The following HIVEP1 variants were observed in gnomAD, a reference collection of about 807,000 sequenced individuals.
HIVEP1 encodes zinc finger protein 40.
A neutral mutation model predicts 180.0 loss-of-function variants in HIVEP1; 36 were observed. That is an observed-to-expected ratio of 0.20 (90% CI 0.15 to 0.26). HIVEP1 has a LOEUF of 0.26. Ranked by LOEUF, HIVEP1 falls within the 10% of genes least tolerant of loss-of-function variation. The pLI, the probability that HIVEP1 is intolerant of heterozygous loss-of-function variation, is 1.00. For synonymous variants in HIVEP1, 1,239 were observed against 1,239.0 expected (o/e 1.00, Z 0.00); for missense variants, 3,143 against 3,268.7 (o/e 0.96, Z 0.94).
intron 7 of HIVEP1, among the ~76,000 whole-genome samples, chr6:12,140,703 C>T (rs964562115): frequency 7.9e-5 from 12 of 152,050 alleles, no homozygotes; most frequent in Admixed American, 2.6e-4. Context: ...AACTGTGGCA[C>T]GAGAACTACG....
chr6:12,124,594 C>T lies in HIVEP1; in HGVS notation c.4799C>T (p.Thr1600Ile), dbSNP rs1757933111. 8 of 1,614,026 alleles carry T rather than the reference C, an allele frequency of 5.0e-6. No homozygotes were observed. In the East Asian group the frequency reaches 1.8e-4, roughly 36 times the overall value. The change falls in exon 4 of 9, where the codon ACA becomes ATA. Residue 1600 changes from threonine (T) to isoleucine (I), a missense_variant. Physicochemically the swap from Thr to Ile is moderately conservative, Grantham distance 89 (BLOSUM62 -1). This residue lies in a region of HIVEP1 where 1,357 missense variants were observed against 1,260.5 expected (regional missense o/e 1.08). Coordinates refer to ENST00000379388, the MANE Select transcript of HIVEP1 (RefSeq NM_002114.4). ...VGTDHCVTSATLPTKLIDSMS... is the reference protein window; with the variant it reads ...VGTDHCVTSAILPTKLIDSMS... ...ACAGATCATTGTGTGACATCAGCAA[C>T]ATTACCAACCAAATTAATTGACAGC...
intron 1 of HIVEP1, among the ~76,000 whole-genome samples, chr6:12,013,044 G>C (rs1272115956): frequency 6.6e-6 from 1 of 151,714 alleles, no homozygotes; most frequent in Non-Finnish European, 1.5e-5. Context: ...GGCTCGCCTT[G>C]GGGTCGGGCT....
intron 2 of HIVEP1, among the ~76,000 whole-genome samples, chr6:12,053,060 C>T (rs1770638958): frequency 1.3e-5 from 2 of 152,162 alleles, no homozygotes; most frequent in South Asian, 4.1e-4. Flanking sequence ...TTACACTTCA[C>T]AGCTATAATT....
Position 12,120,032 on chromosome 6 carries a change from A to T in HIVEP1, c.237A>T (p.Thr79=). Residue 79 remains threonine (T), a synonymous_variant, in exon 4 of 9, where the codon ACA becomes ACT. Transcript: ENST00000379388. Reference sequence around the variant, plus strand: ...TTCAGGCAAAACATAAACAAAATACAGAAGAGTCATCTTTCGCCGTTCTTC... The same window carrying T: ...TTCAGGCAAAACATAAACAAAATACTGAAGAGTCATCTTTCGCCGTTCTTC... The part of the protein sequence containing the change: ...NPLQAKHKQN[T]EESSFAVLHS... 1 of 1,613,284 alleles carries T rather than the reference A, an allele frequency of 6.2e-7. No homozygotes were observed. The highest frequency in any genetic ancestry group is 1.1e-5 in the South Asian group (1 of 90,802).
At chr6:12,179,635 T>G in the HIVEP1 span, among the ~76,000 whole-genome samples, 1 of 152,228 alleles carries the variant, frequency 6.6e-6, no homozygotes, top group African/African-American at 2.4e-5. Flanking sequence ...AAGGTTGCTC[T>G]CCTGCTTTTA....
At chr6:12,088,665 C>T (rs1773260500) in intron 2 of HIVEP1, among the ~76,000 whole-genome samples, 1 of 152,092 alleles carries the variant, frequency 6.6e-6, no homozygotes. Context: ...TGTCCTCATA[C>T]TTCATAGATG....
chr6:12,112,184 G>C (rs1561951227), intron 3 of HIVEP1, among the ~76,000 whole-genome samples: 2 of 151,976 alleles, frequency 1.3e-5, no homozygotes, highest in East Asian at 1.9e-4. Context: ...ATGAAATTCT[G>C]GGTTGGACAA....
chr6:12,053,406 G>T (rs188150065), intron 2 of HIVEP1, among the ~76,000 whole-genome samples: 1 of 152,044 alleles, frequency 6.6e-6, no homozygotes, highest in Non-Finnish European at 1.5e-5. Flanking sequence ...ACAAATAAGA[G>T]AAGCAGTATA....
chr6:12,037,040 A>G (rs912467614), intron 2 of HIVEP1, among the ~76,000 whole-genome samples: 3 of 152,202 alleles, frequency 2.0e-5, no homozygotes, highest in Non-Finnish European at 4.4e-5. Context: ...AACCATGGAA[A>G]TAAAGTAGTG....
the HIVEP1 span, among the ~76,000 whole-genome samples, chr6:12,200,009 A>T: frequency 6.6e-6 from 1 of 152,154 alleles, no homozygotes; most frequent in African/African-American, 2.4e-5. Flanking sequence ...TAGGCTTGAG[A>T]TGGGGACTAA....
intron 2 of HIVEP1, among the ~76,000 whole-genome samples, chr6:12,060,922 G>A (rs932891032): frequency 6.6e-6 from 1 of 152,142 alleles, no homozygotes; most frequent in Non-Finnish European, 1.5e-5. Flanking sequence ...CCTTTCATTT[G>A]CGTAAGAGAT....
chr6:12,123,283 A>G lies in HIVEP1; in HGVS notation c.3488A>G (p.Gln1163Arg). The stretch of plus-strand genomic sequence containing the variant: ...GAAAGAGCCTCCCCAGTTTCTTTCC[A>G]GGAGCTGAATAGAACGGGGAAGTCC... ...PFERASPVSF[Q>R]ELNRTGKSGS... The change falls in exon 4 of 9, where the codon CAG (glutamine) becomes CGG (arginine). Residue 1163 changes from glutamine (Q) to arginine (R), a missense_variant. Transcript: ENST00000379388. The G allele has an allele frequency of 6.2e-7, 1 of 1,614,216 alleles. No individual in the cohort carries two copies. Among genetic ancestry groups the G allele is most frequent in the Non-Finnish European group, 8.5e-7 (1 of 1,180,034 alleles).
At chr6:12,099,183 G>GGTT (rs373744044) in intron 3 of HIVEP1, among the ~76,000 whole-genome samples, 9 of 138,458 alleles carry the variant, frequency 6.5e-5, no homozygotes, top group African/African-American at 2.2e-4. Flanking sequence ...ATGTCACTGA[G>GGTT]TTTTTTTTTT....
chr6:12,103,555 G>T (rs1475281518), intron 3 of HIVEP1, among the ~76,000 whole-genome samples: 1 of 151,436 alleles, frequency 6.6e-6, no homozygotes, highest in African/African-American at 2.4e-5. Flanking sequence ...CACACATGGA[G>T]ACTTACTATT....
chr6:12,023,327 G>C (rs1010813782), intron 2 of HIVEP1, among the ~76,000 whole-genome samples: 7 of 152,264 alleles, frequency 4.6e-5, no homozygotes, highest in Non-Finnish European at 1.0e-4. Context: ...AAGTGGAGTA[G>C]GTTTAATTTT....
chr6:12,018,449 C>G (rs935935859), intron 2 of HIVEP1, among the ~76,000 whole-genome samples: 1 of 152,238 alleles, frequency 6.6e-6, no homozygotes, highest in African/African-American at 2.4e-5. Context: ...TCATTACTAC[C>G]TTCATGTACT....
At chr6:12,009,120 T>TGGCGGC (rs950139776), upstream of HIVEP1, among the ~76,000 whole-genome samples, 161 of 146,058 alleles carry the variant, frequency 1.1e-3, no homozygotes, top group South Asian at 0.013. Flanking sequence ...CGCGTGGCGG[T>TGGCGGC]GGCGGCGGCG....
At chr6:12,186,964 C>G in the HIVEP1 span, among the ~76,000 whole-genome samples, 1 of 150,560 alleles carries the variant, frequency 6.6e-6, no homozygotes, top group Non-Finnish European at 1.5e-5. Flanking sequence ...AAATCTGGAA[C>G]TAAAAAAGTC....
intron 2 of HIVEP1, among the ~76,000 whole-genome samples, chr6:12,064,900 C>A (rs2113763958): frequency 6.6e-6 from 1 of 152,302 alleles, no homozygotes; most frequent in East Asian, 1.9e-4. Context: ...TCAGTATGTT[C>A]TTTCCCTCCA....
Sources: gnomAD v4.1 joint callset for allele counts (sites outside exome capture counted in the v4.1 genomes callset) on GRCh38, gnomAD v4.1.1 for gene constraint, gnomAD v4.1.1 regional missense constraint, MANE v1.5 for transcripts, NCBI Gene and HGNC (gene_info 2026-07-23, HGNC 2026-07-21) for gene names.